The following CD200R1L variants were observed in gnomAD, a reference collection of about 807,000 sequenced individuals.
CD200R1L encodes CD200 receptor 1 like.
In CD200R1L, 14 loss-of-function variants were observed where a neutral mutation model predicts 24.8. The observed-to-expected ratio is 0.56, with a 90% CI of 0.37 to 0.88. CD200R1L has a LOEUF of 0.88. CD200R1L is among the 40% of genes least tolerant of loss of function. The probability of loss-of-function intolerance (pLI) is 0.00; values close to 1 mark genes in which losing one functional copy is unlikely to be tolerated. For missense variants in CD200R1L, 299 were observed against 297.8 expected (o/e 1.00, Z -0.03); for synonymous variants, 111 against 109.2 (o/e 1.02, Z -0.11).
In CD200R1L at chr3:112,829,361, C is replaced by T; in HGVS notation, c.7G>A (p.Gly3Arg). 6.2e-7 allele frequency: 1 copy of T among 1,614,054 alleles called. No homozygotes were observed. The highest frequency in any genetic ancestry group is 8.5e-7 in the Non-Finnish European group (1 of 1,179,892). The change falls in exon 4 of 8, where the codon GGA (glycine) becomes AGA (arginine). Residue 3 changes from glycine (G) to arginine (R), a missense_variant. Gly to Arg is a moderately radical substitution (Grantham distance 125, BLOSUM62 -2). Transcript: ENST00000488794. ...GAATAGTTCTGTGTCATCTGCTTTC[C>T]ACCCATGCATGAACTACTTGAAGCT... Reference protein sequence around the residue: MGGKQMTQNYSTI... With the variant: MGRKQMTQNYSTI...
chr3:112,839,982 A>T (rs1939042230), intron 2 of CD200R1L, among the ~76,000 whole-genome samples: 1 of 152,220 alleles, frequency 6.6e-6, no homozygotes, highest in Non-Finnish European at 1.5e-5. Flanking sequence ...AGTGTGACCC[A>T]CAAGAAGTTA....
At chr3:112,825,062 C>G (rs908051589) in intron 6 of CD200R1L, among the ~76,000 whole-genome samples, 2 of 151,846 alleles carry the variant, frequency 1.3e-5, no homozygotes, top group East Asian at 3.9e-4. Context: ...ACGGTGAAAC[C>G]CCGTCTCTAC....
At chr3:112,829,080 T>C (rs1938735258) in intron 4 of CD200R1L, among the ~76,000 whole-genome samples, 1 of 152,220 alleles carries the variant, frequency 6.6e-6, no homozygotes, top group South Asian at 2.1e-4. Context: ...TGAAAGGTCA[T>C]TAAATCCACG....
rs751810985 is a variant in CD200R1L, at chr3:112,827,195, T to C, written c.414A>G (p.Val138=). 6.2e-7 allele frequency: 1 copy of C among 1,613,528 alleles called. No individual in the cohort carries two copies. The highest frequency in any genetic ancestry group is 8.5e-7 in the Non-Finnish European group (1 of 1,179,978). ...CTGGCTTCCCTGTAACTGCCTTGCA[T>C]ACTGCAGTTATATTCCTGCTTTGAA... ...NLFQSRNITA[V]CKAVTGKPAA... Residue 138 remains valine, a synonymous_variant, in exon 6 of 8, where the codon GTA becomes GTG. Coordinates refer to ENST00000488794, the MANE Select transcript of CD200R1L (RefSeq NM_001199215.3).
intron 6 of CD200R1L, among the ~76,000 whole-genome samples, chr3:112,820,584 C>T (rs1169559768): frequency 6.6e-6 from 1 of 152,028 alleles, no homozygotes. Flanking sequence ...GCATGCACCA[C>T]CACGCCTGGC....
intron 3 of CD200R1L, among the ~76,000 whole-genome samples, chr3:112,833,063 T>C (rs1172341898): frequency 1.3e-5 from 2 of 152,250 alleles, no homozygotes. Context: ...AAGTTTCTAG[T>C]AGGCCAGTGG....
chr3:112,834,367 G>T (rs1223395839), intron 3 of CD200R1L, among the ~76,000 whole-genome samples: 1 of 149,548 alleles, frequency 6.7e-6, no homozygotes, highest in East Asian at 2.0e-4. Context: ...TAGAGAATTT[G>T]TGCTTCCAAA....
At position 112,833,214 on chromosome 3, in the gene CD200R1L, G is replaced by C. The variant is rs568817641; in HGVS notation, c.-17-3830C>G. ...TACTGCTCTGACCCTCTAATAGGAT[G>C]CTAGTCCAAGTGTGCTCCAGACCAA... On this transcript the variant is annotated intron_variant, in intron 3 of 7. Coordinates refer to ENST00000488794, the MANE Select transcript of CD200R1L (RefSeq NM_001199215.3). 2.0e-5 allele frequency among the ~76,000 whole-genome samples: 3 copies of C among 152,352 alleles called. No individual in the cohort carries two copies. In the South Asian group the frequency reaches 6.2e-4, roughly 32 times the overall value.
At chr3:112,820,161 T>G (rs1392683029) in intron 6 of CD200R1L, among the ~76,000 whole-genome samples, 1 of 152,184 alleles carries the variant, frequency 6.6e-6, no homozygotes, top group Non-Finnish European at 1.5e-5. Context: ...GCTAATACTT[T>G]CCAATTTTAT....
At chr3:112,834,539 T>C (rs546904158) in intron 3 of CD200R1L, among the ~76,000 whole-genome samples, 2 of 152,302 alleles carry the variant, frequency 1.3e-5, no homozygotes, top group African/African-American at 2.4e-5. Flanking sequence ...TCAGGGGTAA[T>C]TTAAGCCTGA....
In CD200R1L at chr3:112,825,449, T is replaced by C. The variant is rs537723941; in HGVS notation, c.616+1544A>G. On this transcript the variant is annotated intron_variant, in intron 6 of 7. Transcript: ENST00000488794. ...TTATTAGATATTTAAAATTAATAATTATAATAAATATTACAAAGAAGCTAA... is the reference window on the plus strand; with the variant it reads ...TTATTAGATATTTAAAATTAATAATCATAATAAATATTACAAAGAAGCTAA... Among the ~76,000 whole-genome samples, 11 of 149,102 alleles carry C rather than the reference T, an allele frequency of 7.4e-5. No individual in the cohort carries two copies. The East Asian group carries it at 1.9e-3, about 26-fold the overall frequency.
intron 2 of CD200R1L, among the ~76,000 whole-genome samples, chr3:112,840,661 C>A (rs1421867435): frequency 6.6e-6 from 1 of 151,988 alleles, no homozygotes; most frequent in Non-Finnish European, 1.5e-5. Flanking sequence ...GTGGTCTACA[C>A]TAAATAAAAA....
intron 7 of CD200R1L, among the ~76,000 whole-genome samples, chr3:112,817,408 A>G (rs1002836235): frequency 2.0e-5 from 3 of 152,192 alleles, no homozygotes; most frequent in Non-Finnish European, 4.4e-5. Context: ...GGATGTTAAT[A>G]TAGCTATGCT....
intron 6 of CD200R1L, among the ~76,000 whole-genome samples, chr3:112,823,291 A>T (rs1361366548): frequency 6.6e-6 from 1 of 152,234 alleles, no homozygotes; most frequent in Non-Finnish European, 1.5e-5. Flanking sequence ...TCAGGTTGAC[A>T]TGAGTTCTGT....
intron 3 of CD200R1L, among the ~76,000 whole-genome samples, chr3:112,831,010 TA>T (rs1272151272): frequency 8.6e-5 from 13 of 152,044 alleles, no homozygotes; most frequent in Non-Finnish European, 1.6e-4. Flanking sequence ...GAAGGAGGAA[TA>T]GGGGGGAGGC....
At chr3:112,842,832 C>G (rs1939113069) in intron 2 of CD200R1L, among the ~76,000 whole-genome samples, 1 of 152,182 alleles carries the variant, frequency 6.6e-6, no homozygotes, top group South Asian at 2.1e-4. Flanking sequence ...TGTGGTCAGA[C>G]CGGTTCTCTG....
intron 2 of CD200R1L, among the ~76,000 whole-genome samples, chr3:112,845,235 G>A (rs1360544704): frequency 1.3e-5 from 2 of 152,108 alleles, no homozygotes; most frequent in South Asian, 2.1e-4. Context: ...AATACAAAAT[G>A]TCCTCGGAGA....
In CD200R1L at chr3:112,838,034, T is replaced by A. The variant is rs749518731; in HGVS notation, c.-86-24A>T. Reference sequence around the variant, plus strand: ...GGCTAGAAAATATTTAAAGAAGAAATATGGAGAAAATTAAGAACTTTTCTT... The same window carrying A: ...GGCTAGAAAATATTTAAAGAAGAAAAATGGAGAAAATTAAGAACTTTTCTT... On this transcript the variant is annotated intron_variant, in intron 2 of 7. Coordinates refer to ENST00000488794, the MANE Select transcript of CD200R1L (RefSeq NM_001199215.3). The A allele has an allele frequency of 2.2e-5, 24 of 1,108,638 alleles. No homozygotes were observed. The South Asian group carries it at 3.5e-4, about 16-fold the overall frequency. The allele number at this position is 1,108,638 out of a possible 1,614,324, so 68.7% of individuals were successfully genotyped here.
Position 112,844,920 on chromosome 3 carries a change from G to A in CD200R1L, c.-87+759C>T, listed in dbSNP as rs367737198. Among the ~76,000 whole-genome samples, 51 of 152,030 alleles carry A rather than the reference G, an allele frequency of 3.4e-4. 1 individual carries two copies. The South Asian group carries it at 8.5e-3, about 25-fold the overall frequency. Reference sequence around the variant, plus strand: ...GCCTGGGCAATAAGAGCTAAAATCCGTCTCAAAAATAAATAAGTAAATAAA... The same window carrying A: ...GCCTGGGCAATAAGAGCTAAAATCCATCTCAAAAATAAATAAGTAAATAAA... On this transcript the variant is annotated intron_variant, in intron 2 of 7. Transcript: ENST00000488794.
Sources: gnomAD v4.1 joint callset for allele counts (sites outside exome capture counted in the v4.1 genomes callset) on GRCh38, gnomAD v4.1.1 for gene constraint, MANE v1.5 for transcripts, NCBI Gene and HGNC (gene_info 2026-07-23, HGNC 2026-07-21) for gene names.